PCDH11Y: variants seen among roughly 807,000 people sequenced by gnomAD.
PCDH11Y encodes protocadherin-11 Y-linked.
For missense variants in PCDH11Y, 12 were observed against 224.8 expected (o/e 0.05, Z 6.05); for synonymous variants, 9 against 83.6 (o/e 0.11, Z 4.87).
intron 2 of PCDH11Y, among the ~76,000 whole-genome samples, chrY:5,384,494 A>G: frequency 3.2e-5 from 1 of 31,080 alleles, no homozygotes; most frequent in Non-Finnish European, 7.7e-5. Flanking sequence ...GATACTCAGG[A>G]GAATAAAAAA....
At chrY:5,706,746 A>G in intron 4 of PCDH11Y, among the ~76,000 whole-genome samples, 2 of 30,146 alleles carry the variant, frequency 6.6e-5, no homozygotes, top group Admixed American at 6.2e-4. Context: ...TTCTCAGTAA[A>G]TGCAGATGGC....
intron 2 of PCDH11Y, among the ~76,000 whole-genome samples, chrY:5,173,605 TA>T (rs2052889433): frequency 3.0e-5 from 1 of 33,499 alleles, no homozygotes; most frequent in African/African-American, 1.2e-4. Context: ...ACTAGCATGT[TA>T]AATTCTTGTA....
chrY:5,542,723 T>C, intron 3 of PCDH11Y, among the ~76,000 whole-genome samples: 1 of 32,389 alleles, frequency 3.1e-5, no homozygotes, highest in East Asian at 8.2e-4. Flanking sequence ...CTGTGCCTTA[T>C]GAGGGGAAGA....
At chrY:5,099,179 A>G in exon 2 of PCDH11Y, 1 of 398,887 alleles carries the variant, frequency 2.5e-6, no homozygotes, top group Non-Finnish European at 3.5e-6. Context: ...GCTGAGATCA[A>G]TTACCTGCTA....
intron 2 of PCDH11Y, among the ~76,000 whole-genome samples, chrY:5,286,262 T>C (rs2053060232): frequency 3.0e-5 from 1 of 32,903 alleles, no homozygotes; most frequent in Non-Finnish European, 7.5e-5. Flanking sequence ...CATGATGTTT[T>C]AGTTACTGTA....
intron 1 of PCDH11Y, among the ~76,000 whole-genome samples, chrY:5,026,866 A>G (rs2052579358): frequency 3.0e-5 from 1 of 33,322 alleles, no homozygotes; most frequent in Non-Finnish European, 7.4e-5. Flanking sequence ...TAACATATCA[A>G]AAAGGAATTT....
intron 3 of PCDH11Y, among the ~76,000 whole-genome samples, chrY:5,516,019 A>G (rs1477462874): frequency 0.013 from 452 of 33,779 alleles, no homozygotes; most frequent in Admixed American, 0.097. Flanking sequence ...AGATTTCAAG[A>G]CCACAAAAGC....
At chrY:5,468,466 G>C in intron 2 of PCDH11Y, among the ~76,000 whole-genome samples, 15 of 32,609 alleles carry the variant, frequency 4.6e-4, no homozygotes, top group Admixed American at 4.0e-3. Context: ...ATCATGAAAG[G>C]CAACAGGAAA....
At chrY:5,210,148 C>T (rs2052937257) in intron 2 of PCDH11Y, among the ~76,000 whole-genome samples, 1 of 34,057 alleles carries the variant, frequency 2.9e-5, no homozygotes, top group Non-Finnish European at 7.3e-5. Context: ...CCCTATTTTT[C>T]CCCTGGAGGC....
At chrY:5,308,833 C>A (rs2053093367) in intron 2 of PCDH11Y, among the ~76,000 whole-genome samples, 2 of 33,239 alleles carry the variant, frequency 6.0e-5, no homozygotes, top group African/African-American at 1.2e-4. Flanking sequence ...GTAATCCCAG[C>A]ACTTTGGGAG....
intron 2 of PCDH11Y, among the ~76,000 whole-genome samples, chrY:5,205,515 T>TAC (rs2052930590): frequency 3.9e-5 from 1 of 25,710 alleles, no homozygotes. Context: ...TATATATATA[T>TAC]ACACTGAATA....
intron 2 of PCDH11Y, among the ~76,000 whole-genome samples, chrY:5,361,726 G>A: frequency 6.4e-5 from 2 of 31,052 alleles, no homozygotes; most frequent in Non-Finnish European, 1.5e-4. Flanking sequence ...ACTCCACTAT[G>A]CCCAGTTAGT....
chrY:5,094,277 A>G (rs2052746490), intron 1 of PCDH11Y, among the ~76,000 whole-genome samples: 1 of 31,590 alleles, frequency 3.2e-5, no homozygotes, highest in African/African-American at 1.2e-4. Context: ...CATTTGGGGT[A>G]GGACTGATGT....
chrY:5,543,101 C>A, intron 3 of PCDH11Y, among the ~76,000 whole-genome samples: 1 of 33,467 alleles, frequency 3.0e-5, no homozygotes, highest in African/African-American at 1.2e-4. Context: ...AGAACATGAG[C>A]CTTGTCATCT....
chrY:5,478,047 C>A, intron 2 of PCDH11Y, among the ~76,000 whole-genome samples: 2 of 33,939 alleles, frequency 5.9e-5, no homozygotes, highest in Non-Finnish European at 1.5e-4. Context: ...TTAGTTATTT[C>A]TTGTCTTCTA....
chrY:5,086,959 A>G (rs2052731723), intron 1 of PCDH11Y, among the ~76,000 whole-genome samples: 1 of 33,289 alleles, frequency 3.0e-5, no homozygotes, highest in South Asian at 6.8e-4. Context: ...TGGCAAAGCC[A>G]GCTAGGTCTA....
chrY:5,709,284 T>G, intron 4 of PCDH11Y, among the ~76,000 whole-genome samples: 1 of 32,290 alleles, frequency 3.1e-5, no homozygotes, highest in Middle Eastern at 0.014. Context: ...TTGGATGAGA[T>G]GATTTGAGTA....
intron 3 of PCDH11Y, among the ~76,000 whole-genome samples, chrY:5,034,733 G>A: frequency 6.4e-5 from 2 of 31,405 alleles, no homozygotes; most frequent in East Asian, 1.6e-3. Flanking sequence ...CATCACCTCA[G>A]TTGTCATATT....
chrY:5,569,329 G>A, intron 3 of PCDH11Y, among the ~76,000 whole-genome samples: 1 of 19,360 alleles, frequency 5.2e-5, no homozygotes, highest in African/African-American at 2.0e-4. Flanking sequence ...TGAAATTCTC[G>A]TATAAGATTT....
Sources: gnomAD v4.1 joint callset for allele counts (sites outside exome capture counted in the v4.1 genomes callset) on GRCh38, gnomAD v4.1.1 for gene constraint, MANE v1.5 for transcripts, NCBI Gene and HGNC (gene_info 2026-07-23, HGNC 2026-07-21) for gene names.